CRACR2A: variants seen among roughly 807,000 people sequenced by gnomAD.
CRACR2A encodes the protein EF-hand calcium-binding domain-containing protein 4B.
In CRACR2A, 79 loss-of-function variants were observed where a neutral mutation model predicts 90.5. That is an observed-to-expected ratio of 0.87 (90% confidence interval 0.73 to 1.05). The LOEUF is 1.05. CRACR2A is among the 50% of genes least tolerant of loss of function. The pLI, the probability that CRACR2A is intolerant of heterozygous loss-of-function variation, is 0.00. For missense variants in CRACR2A, 823 were observed against 897.2 expected (o/e 0.92, Z 1.06); for synonymous variants, 338 against 356.7 (o/e 0.95, Z 0.59).
In CRACR2A at chr12:3,687,015, C is replaced by T. The variant is rs242009; in HGVS notation, c.229-6666G>A. 3.1e-3 allele frequency among the ~76,000 whole-genome samples: 469 copies of T among 152,182 alleles called. 2 individuals carry two copies. The highest frequency in any genetic ancestry group is 0.01 in the African/African-American group (431 of 41,482). ...CAGCTTAAGCACCCTGCCCTTTCTC[C>T]CTGTGGTCCCTGCTCTATCTGGGTG... On this transcript the variant is annotated intron_variant, in intron 4 of 19. Coordinates refer to ENST00000440314, the MANE Select transcript of CRACR2A (RefSeq NM_001144958.2).
chr12:3,703,830 C>A (rs185367021), intron 3 of CRACR2A, among the ~76,000 whole-genome samples: 1 of 152,126 alleles, frequency 6.6e-6, no homozygotes, highest in Admixed American at 6.5e-5. Flanking sequence ...AAGATATTCA[C>A]CCTCATTACT....
In CRACR2A at chr12:3,696,948, C is replaced by A; in HGVS notation, c.52G>T (p.Gly18Trp). The A allele has an allele frequency of 6.2e-7, 1 of 1,614,158 alleles. No individual in the cohort carries two copies. The highest frequency in any genetic ancestry group is 8.5e-7 in the Non-Finnish European group (1 of 1,180,008). ...VVSRPQRLGQGSGQGPKGSGA... is the reference protein window; with the variant it reads ...VVSRPQRLGQWSGQGPKGSGA... Reference sequence around the variant, plus strand: ...CTCCCCTTTGGCCCCTGGCCAGACCCCTGACCAAGTCTCTGGGGTCTGGAG... The same window carrying A: ...CTCCCCTTTGGCCCCTGGCCAGACCACTGACCAAGTCTCTGGGGTCTGGAG... Residue 18 changes from glycine to tryptophan, a missense_variant, in exon 4 of 20, where the codon GGG becomes TGG. Coordinates refer to ENST00000440314, the MANE Select transcript of CRACR2A (RefSeq NM_001144958.2).
At chr12:3,735,043 T>C (rs1390776888) in intron 1 of CRACR2A, among the ~76,000 whole-genome samples, 1 of 151,826 alleles carries the variant, frequency 6.6e-6, no homozygotes, top group Non-Finnish European at 1.5e-5. Flanking sequence ...AAATGGTAAC[T>C]AGGTGGGGTG....
intron 1 of CRACR2A, among the ~76,000 whole-genome samples, chr12:3,749,346 C>T (rs1302029917): frequency 6.6e-6 from 1 of 152,208 alleles, no homozygotes; most frequent in Non-Finnish European, 1.5e-5. Context: ...AAGAGTGACT[C>T]CCTTTGGCTT....
At chr12:3,742,108 AG>A (rs2137900677) in intron 1 of CRACR2A, among the ~76,000 whole-genome samples, 1 of 152,358 alleles carries the variant, frequency 6.6e-6, no homozygotes, top group African/African-American at 2.4e-5. Context: ...ACCGTTACCC[AG>A]GCCTAGGACA....
At chr12:3,723,715 T>C (rs527953800) in intron 2 of CRACR2A, among the ~76,000 whole-genome samples, 2 of 152,250 alleles carry the variant, frequency 1.3e-5, no homozygotes, top group Admixed American at 6.5e-5. Context: ...GGGGTTCTTG[T>C]AGGCAGGAGG....
intron 6 of CRACR2A, among the ~76,000 whole-genome samples, chr12:3,675,784 G>A (rs912670606): frequency 2.6e-5 from 4 of 152,184 alleles, no homozygotes; most frequent in African/African-American, 9.7e-5. Context: ...TCCAGAAACA[G>A]AAGATCTGAG....
chr12:3,713,110 C>T (rs559005783), intron 3 of CRACR2A, 127 bp downstream of exon 3: 18 of 261,574 alleles, frequency 6.9e-5, no homozygotes, highest in Non-Finnish European at 1.0e-4. Context: ...TAAGGGCCCA[C>T]TGCTGATCCT....
intron 7 of CRACR2A, among the ~76,000 whole-genome samples, chr12:3,666,395 A>C (rs1426039371): frequency 1.3e-5 from 2 of 150,624 alleles, no homozygotes; most frequent in African/African-American, 2.5e-5. Flanking sequence ...GCACACGCTC[A>C]TGTGTACATC....
intron 6 of CRACR2A, among the ~76,000 whole-genome samples, chr12:3,677,900 A>G (rs915158462): frequency 5.9e-5 from 9 of 152,214 alleles, no homozygotes; most frequent in African/African-American, 2.4e-5. Flanking sequence ...CAGTTCTGCC[A>G]CAGTCTACCA....
intron 10 of CRACR2A, among the ~76,000 whole-genome samples, chr12:3,649,709 T>C (rs896452228): frequency 6.6e-6 from 1 of 152,012 alleles, no homozygotes; most frequent in African/African-American, 2.4e-5. Flanking sequence ...TTTACATCGA[T>C]ACCCTCAACA....
intron 4 of CRACR2A, among the ~76,000 whole-genome samples, chr12:3,690,649 G>A (rs924102366): frequency 5.9e-5 from 9 of 152,180 alleles, no homozygotes; most frequent in Non-Finnish European, 8.8e-5. Context: ...TTTGGGGGTG[G>A]AGAGTTCTGT....
chr12:3,692,431 T>C (rs1945663680), intron 4 of CRACR2A, among the ~76,000 whole-genome samples: 1 of 151,246 alleles, frequency 6.6e-6, no homozygotes, highest in African/African-American at 2.4e-5. Context: ...ACTCCTGGAC[T>C]GTGTGCTCTA....
At chr12:3,737,882 T>C (rs1481593792) in intron 1 of CRACR2A, among the ~76,000 whole-genome samples, 1 of 152,226 alleles carries the variant, frequency 6.6e-6, no homozygotes, top group African/African-American at 2.4e-5. Flanking sequence ...CAAGCCTTCC[T>C]CTCCTAAAGG....
intron 1 of CRACR2A, 70 bp from the exon 2 acceptor site, chr12:3,733,280 G>A (rs918378753): frequency 3.3e-5 from 5 of 152,366 alleles, no homozygotes; most frequent in Admixed American, 3.3e-4. Context: ...AGATTATCTG[G>A]GTTGGGCTTT....
chr12:3,740,877 A>T (rs1946514206), intron 1 of CRACR2A, among the ~76,000 whole-genome samples: 1 of 152,222 alleles, frequency 6.6e-6, no homozygotes, highest in African/African-American at 2.4e-5. Flanking sequence ...TAATAATTGT[A>T]CCAGCTTGTA....
intron 10 of CRACR2A, 117 bp from the exon 11 acceptor site, chr12:3,648,730 C>T (rs865909926): frequency 2.6e-5 from 36 of 1,411,512 alleles, no homozygotes; most frequent in African/African-American, 1.8e-4. Flanking sequence ...ATTGGAGGAA[C>T]GTGGCCTCCT....
At chr12:3,616,900 G>T in intron 19 of CRACR2A, 54 bp downstream of exon 19, 1 of 1,398,330 alleles carries the variant, frequency 7.2e-7, no homozygotes, top group Non-Finnish European at 9.9e-7. Context: ...CCTCCCTGAA[G>T]GCAGACACAG....
chr12:3,714,882 C>T (rs966308649), intron 2 of CRACR2A, among the ~76,000 whole-genome samples: 3 of 152,198 alleles, frequency 2.0e-5, no homozygotes, highest in African/African-American at 7.2e-5. Flanking sequence ...AAGGCTTTCT[C>T]GAGGTTACAT....
Sources: gnomAD v4.1 joint callset for allele counts (sites outside exome capture counted in the v4.1 genomes callset) on GRCh38, gnomAD v4.1.1 for gene constraint, MANE v1.5 for transcripts, NCBI Gene and HGNC (gene_info 2026-07-23, HGNC 2026-07-21) for gene names.